The following CDH4 variants were observed in gnomAD, a reference collection of about 807,000 sequenced individuals.
The protein encoded by CDH4 is cadherin-4.
CDH4 carries 33 observed loss-of-function variants against 86.0 expected under a neutral mutation model. The ratio of observed to expected loss-of-function variants is 0.38; its 90% CI spans 0.29 to 0.51. The LOEUF is 0.51. Among genes scored for constraint, CDH4 ranks in the 20% least tolerant of loss-of-function variants. The pLI is 0.86. For synonymous variants in CDH4, 555 were observed against 549.4 expected (o/e 1.01, Z -0.14); for missense variants, 1,114 against 1,307.4 (o/e 0.85, Z 2.28).
chr20:61,813,739 C>T (rs1980560834), intron 4 of CDH4, among the ~76,000 whole-genome samples: 1 of 152,166 alleles, frequency 6.6e-6, no homozygotes, highest in South Asian at 2.1e-4. Context: ...TCACCTTGTT[C>T]CCTTTCCCTC....
chr20:61,845,165 A>G (rs1982381361), intron 5 of CDH4, among the ~76,000 whole-genome samples: 1 of 152,180 alleles, frequency 6.6e-6, no homozygotes, highest in Admixed American at 6.5e-5. Context: ...CGGGGCTGGG[A>G]GTCAGGGTCA....
intron 7 of CDH4, among the ~76,000 whole-genome samples, chr20:61,887,041 C>T (rs1195741669): frequency 6.6e-6 from 1 of 152,210 alleles, no homozygotes; most frequent in Non-Finnish European, 1.5e-5. Context: ...GCCACGTCTG[C>T]AAGGAGGCCT....
intron 2 of CDH4, among the ~76,000 whole-genome samples, chr20:61,301,340 T>C (rs188159953): frequency 1.3e-5 from 2 of 152,308 alleles, no homozygotes; most frequent in East Asian, 3.9e-4. Flanking sequence ...GCCCTGCCCA[T>C]ATGTTGGCCA....
chr20:61,825,782 C>T (rs1981282061), intron 4 of CDH4, among the ~76,000 whole-genome samples: 1 of 152,188 alleles, frequency 6.6e-6, no homozygotes, highest in Non-Finnish European at 1.5e-5. Context: ...CTTTTCATGT[C>T]CAACCGAACA....
chr20:61,835,601 T>C (rs1365869966), intron 4 of CDH4, among the ~76,000 whole-genome samples: 2 of 152,216 alleles, frequency 1.3e-5, no homozygotes, highest in African/African-American at 2.4e-5. Context: ...CCTCCTGGCC[T>C]CAAGGCTCAG....
At chr20:61,282,816 G>A (rs2084267357) in intron 2 of CDH4, among the ~76,000 whole-genome samples, 1 of 152,214 alleles carries the variant, frequency 6.6e-6, no homozygotes, top group Admixed American at 6.5e-5. Flanking sequence ...GCATGGCTGT[G>A]GTGTGCACGT....
intron 2 of CDH4, among the ~76,000 whole-genome samples, chr20:61,390,334 A>G (rs1483646829): frequency 3.5e-5 from 4 of 113,810 alleles, no homozygotes; most frequent in African/African-American, 7.3e-5. Context: ...TGCCCATAGC[A>G]CCATGTCTAG....
chr20:61,596,960 C>G (rs1257812039), intron 2 of CDH4, among the ~76,000 whole-genome samples: 1 of 152,162 alleles, frequency 6.6e-6, no homozygotes, highest in African/African-American at 2.4e-5. Context: ...ATGTAGTTAT[C>G]AAAACATTAA....
chr20:61,310,371 A>G (rs1213308273), intron 2 of CDH4, among the ~76,000 whole-genome samples: 1 of 152,150 alleles, frequency 6.6e-6, no homozygotes, highest in Non-Finnish European at 1.5e-5. Flanking sequence ...TTCGTGGAGG[A>G]TAACTATTTT....
At chr20:61,572,698 G>A (rs1255255123) in intron 2 of CDH4, among the ~76,000 whole-genome samples, 5 of 152,228 alleles carry the variant, frequency 3.3e-5, no homozygotes, top group Non-Finnish European at 7.3e-5. Flanking sequence ...GGATCAGTTT[G>A]CGTCACACAA....
chr20:61,844,328 G>A (rs767035892), intron 4 of CDH4, among the ~76,000 whole-genome samples: 37 of 152,130 alleles, frequency 2.4e-4, no homozygotes, highest in Admixed American at 2.6e-4. Flanking sequence ...TCTTGCCTTT[G>A]TCTAGTCCTG....
chr20:61,499,612 G>A (rs1265028163), intron 2 of CDH4: 2 of 916,558 alleles, frequency 2.2e-6, no homozygotes, highest in African/African-American at 3.4e-5. Context: ...CTCCAAGCCA[G>A]AATTTAGACC....
intron 11 of CDH4, among the ~76,000 whole-genome samples, chr20:61,925,559 C>T (rs796446382): frequency 2.0e-5 from 3 of 152,320 alleles, no homozygotes; most frequent in African/African-American, 7.2e-5. Context: ...TGCCGAGTAC[C>T]GGCCGAGTGC....
At chr20:61,651,291 C>G (rs1447458061) in intron 2 of CDH4, among the ~76,000 whole-genome samples, 1 of 152,224 alleles carries the variant, frequency 6.6e-6, no homozygotes, top group African/African-American at 2.4e-5. Flanking sequence ...GGTCTCAACG[C>G]TCAGGGAAGG....
intron 2 of CDH4, among the ~76,000 whole-genome samples, chr20:61,555,014 A>G (rs2086166224): frequency 6.6e-6 from 1 of 152,178 alleles, no homozygotes; most frequent in African/African-American, 2.4e-5. Context: ...AGTATTGCCC[A>G]TGTGTGTGCA....
At chr20:61,481,953 T>C (rs1478182645) in intron 2 of CDH4, among the ~76,000 whole-genome samples, 1 of 152,206 alleles carries the variant, frequency 6.6e-6, no homozygotes, top group Non-Finnish European at 1.5e-5. Flanking sequence ...ACTTTGTATG[T>C]CTCATCCATG....
intron 4 of CDH4, among the ~76,000 whole-genome samples, chr20:61,790,949 T>C (rs1979161563): frequency 6.6e-6 from 1 of 152,188 alleles, no homozygotes; most frequent in Non-Finnish European, 1.5e-5. Flanking sequence ...CATCCATTCA[T>C]CCATCCACCC....
rs1555809214 is a variant in CDH4, at chr20:61,565,341, T to TGGC, written c.170-178220_170-178219insCGG. Among the ~76,000 whole-genome samples the TGGC allele has an allele frequency of 6.1e-4, 42 of 68,342 alleles. 7 individuals carry two copies. Among genetic ancestry groups the TGGC allele is most frequent in the Admixed American group, 1.4e-3 (9 of 6,502 alleles). 44.8% of individuals were successfully genotyped at this position (68,342 alleles called of 152,430 possible). ...GCGGTGCTCTTGGTGATGGTGGTAG[T>TGGC]GGTCCTCTTGGTGATGGGGTGATGG... is the stretch of plus-strand genomic sequence containing the variant. On this transcript the variant is annotated intron_variant, in intron 2 of 15. Transcript: ENST00000614565.
chr20:61,409,246 GC>G (rs1420618225), intron 2 of CDH4, among the ~76,000 whole-genome samples: 2 of 152,156 alleles, frequency 1.3e-5, no homozygotes, highest in African/African-American at 4.8e-5. Flanking sequence ...CAGCATCAGA[GC>G]CATCAAATAA....
Sources: gnomAD v4.1 joint callset for allele counts (sites outside exome capture counted in the v4.1 genomes callset) on GRCh38, gnomAD v4.1.1 for gene constraint, MANE v1.5 for transcripts, NCBI Gene and HGNC (gene_info 2026-07-23, HGNC 2026-07-21) for gene names.